GRB10: variants seen among roughly 807,000 people sequenced by gnomAD.
GRB10 encodes the protein growth factor receptor-bound protein 10.
GRB10 carries 20 observed loss-of-function variants against 80.9 expected under a neutral mutation model. The ratio of observed to expected loss-of-function variants is 0.25; its 90% CI spans 0.17 to 0.36. GRB10 has a LOEUF of 0.36. GRB10 is among the 10% of genes least tolerant of loss of function. The probability of loss-of-function intolerance (pLI) is 1.00; values close to 1 mark genes in which losing one functional copy is unlikely to be tolerated. For missense variants in GRB10, 548 were observed against 747.7 expected (o/e 0.73, Z 3.12); for synonymous variants, 291 against 291.5 (o/e 1.00, Z 0.02).
chr7:50,695,965 T>C (rs968866834), intron 5 of GRB10, among the ~76,000 whole-genome samples: 2 of 152,216 alleles, frequency 1.3e-5, no homozygotes, highest in South Asian at 2.1e-4. Flanking sequence ...ATTGGGACCA[T>C]ACAGTACCGT....
intron 1 of GRB10, among the ~76,000 whole-genome samples, chr7:50,792,246 C>T (rs145650135): frequency 6.6e-6 from 1 of 151,992 alleles, no homozygotes; most frequent in Non-Finnish European, 1.5e-5. Flanking sequence ...CCCCCTCCCC[C>T]CCATCTCTTG....
In GRB10 at chr7:50,747,415, G is replaced by A. The variant is rs1487075333; in HGVS notation, c.-47+8472C>T. Among the ~76,000 whole-genome samples the A allele has an allele frequency of 2.0e-5, 3 of 152,178 alleles. No homozygotes were observed. The South Asian group carries it at 6.2e-4, about 32-fold the overall frequency. On this transcript the variant is annotated intron_variant, in intron 3 of 18. Coordinates refer to ENST00000401949, the MANE Select transcript of GRB10 (RefSeq NM_001350814.2). ...AAGTCAAATGTTTTCCTTTCTTCCA[G>A]TGCTTCTTTGAGCCTTTAATCTAGC... is the stretch of plus-strand genomic sequence containing the variant.
intron 5 of GRB10, among the ~76,000 whole-genome samples, chr7:50,701,290 A>G (rs982646647): frequency 4.6e-5 from 7 of 152,180 alleles, no homozygotes; most frequent in Non-Finnish European, 7.3e-5. Context: ...GTCTTCCTCA[A>G]GAAGTACTTT....
intron 4 of GRB10, among the ~76,000 whole-genome samples, chr7:50,712,687 T>C (rs565031813): frequency 1.3e-5 from 2 of 152,338 alleles, no homozygotes; most frequent in East Asian, 3.9e-4. Context: ...AGTGCAGCCA[T>C]TCTTGAATTA....
intron 5 of GRB10, among the ~76,000 whole-genome samples, chr7:50,681,129 T>C (rs2061497229): frequency 1.3e-5 from 2 of 152,258 alleles, no homozygotes; most frequent in East Asian, 3.9e-4. Context: ...TATCTATGGC[T>C]GCTATTTAGA....
intron 6 of GRB10, among the ~76,000 whole-genome samples, chr7:50,671,843 G>A (rs568348340): frequency 1.4e-4 from 21 of 152,332 alleles, no homozygotes; most frequent in Admixed American, 8.5e-4. Context: ...CAGAGACATC[G>A]CCTAAGGCAA....
intron 2 of GRB10, among the ~76,000 whole-genome samples, chr7:50,779,973 G>A (rs570389268): frequency 6.6e-6 from 1 of 152,212 alleles, no homozygotes; most frequent in East Asian, 1.9e-4. Flanking sequence ...CCCTGACCGA[G>A]GAGGCAGAGA....
At chr7:50,652,275 T>G (rs894861932) in intron 7 of GRB10, among the ~76,000 whole-genome samples, 1 of 152,314 alleles carries the variant, frequency 6.6e-6, no homozygotes, top group Middle Eastern at 3.4e-3. Flanking sequence ...ACCCGTTAAG[T>G]ACCTGAGACC....
At chr7:50,651,230 C>T (rs1220262071) in intron 7 of GRB10, among the ~76,000 whole-genome samples, 1 of 152,180 alleles carries the variant, frequency 6.6e-6, no homozygotes, top group East Asian at 1.9e-4. Flanking sequence ...GATGACTTAA[C>T]AGAAACTCAG....
At chr7:50,597,865 A>C (rs540180381) in intron 17 of GRB10, among the ~76,000 whole-genome samples, 1 of 152,240 alleles carries the variant, frequency 6.6e-6, no homozygotes, top group Non-Finnish European at 1.5e-5. Flanking sequence ...AAGGGGAACA[A>C]CACCTCTTTT....
rs1324302552 is a variant in GRB10 at position 50,777,254 on chromosome 7, GAA to G, written c.-217+3371_-217+3372del. Among the ~76,000 whole-genome samples, 3 of 152,122 alleles carry G rather than the reference GAA, an allele frequency of 2.0e-5. No individual in the cohort carries two copies. In the East Asian group the frequency reaches 5.8e-4, roughly 29 times the overall value. On this transcript the variant is annotated intron_variant, in intron 2 of 18. Transcript: ENST00000401949. The stretch of plus-strand genomic sequence containing the variant: ...TGTATCCTCATATGGTGGAAGAGCA[GAA>G]GAGAGCAAACCCATTCCCCCTCAGG...
At chr7:50,629,940 A>T (rs986193891) in intron 7 of GRB10, among the ~76,000 whole-genome samples, 6 of 152,222 alleles carry the variant, frequency 3.9e-5, no homozygotes, top group Admixed American at 6.5e-5. Flanking sequence ...AGCAACTCAC[A>T]GTTCAGAGCG....
At chr7:50,593,929 T>C (rs533751986) in intron 18 of GRB10, among the ~76,000 whole-genome samples, 1 of 152,066 alleles carries the variant, frequency 6.6e-6, no homozygotes, top group African/African-American at 2.4e-5. Flanking sequence ...CTTTTGTTAC[T>C]TGTAGGATTT....
chr7:50,773,762 T>A (rs1003206249), intron 2 of GRB10, among the ~76,000 whole-genome samples: 1 of 152,190 alleles, frequency 6.6e-6, no homozygotes, highest in African/African-American at 2.4e-5. Flanking sequence ...ACAGAAGCAT[T>A]ATTCACAATA....
rs377603720 is a variant in GRB10 at position 50,669,776 on chromosome 7, G to C, written c.450C>G (p.Ser150Arg). 6.8e-6 allele frequency: 11 copies of C among 1,613,796 alleles called. No homozygotes were observed. The highest frequency in any genetic ancestry group is 1.3e-5 in the African/African-American group (1 of 74,936). ...AAGAACCCGGCGTGAGCACAGGGGG[G>C]CTCCCAGGGCCACAGAGTTCAGGAA... ...NPFPELCGPG[S>R]PPVLTPGSLP... Residue 150 changes from serine (S) to arginine (R), a missense_variant, in exon 7 of 19, where the codon AGC becomes AGG. This residue lies in a region of GRB10 where 245 missense variants were observed against 229.3 expected (regional missense o/e 1.07). Coordinates refer to ENST00000401949, the MANE Select transcript of GRB10 (RefSeq NM_001350814.2).
At chr7:50,741,428 C>A (rs538346265) in intron 3 of GRB10, among the ~76,000 whole-genome samples, 7 of 152,068 alleles carry the variant, frequency 4.6e-5, no homozygotes, top group African/African-American at 9.7e-5. Flanking sequence ...CTCCTCCCAG[C>A]CTGCATGCAG....
At chr7:50,665,589 G>C (rs1164231558) in intron 7 of GRB10, among the ~76,000 whole-genome samples, 3 of 152,194 alleles carry the variant, frequency 2.0e-5, no homozygotes, top group African/African-American at 7.2e-5. Context: ...GGCTCCCCCT[G>C]GCCAAATGCT....
chr7:50,739,763 G>A lies in GRB10; in HGVS notation c.-46-7395C>T, dbSNP rs376826075. ...TCAGTTGGAGGGCCCGCTCCCTCAC[G>A]TCCCCTCCCATGCCTGCCCCTTCAC... On this transcript the variant is annotated intron_variant, in intron 3 of 18. Coordinates refer to ENST00000401949, the MANE Select transcript of GRB10 (RefSeq NM_001350814.2). Among the ~76,000 whole-genome samples the A allele has an allele frequency of 3.9e-3, 601 of 152,260 alleles. 10 individuals carry two copies. The highest frequency in any genetic ancestry group is 1.9e-3 in the East Asian group (10 of 5,172).
intron 6 of GRB10, among the ~76,000 whole-genome samples, chr7:50,673,385 T>A (rs1380953272): frequency 6.6e-6 from 1 of 152,136 alleles, no homozygotes; most frequent in Non-Finnish European, 1.5e-5. Flanking sequence ...ACAAAGATCT[T>A]CATTCAGAAT....
Sources: gnomAD v4.1 joint callset for allele counts (sites outside exome capture counted in the v4.1 genomes callset) on GRCh38, gnomAD v4.1.1 for gene constraint, gnomAD v4.1.1 regional missense constraint, MANE v1.5 for transcripts, NCBI Gene and HGNC (gene_info 2026-07-23, HGNC 2026-07-21) for gene names.